The following CCDC192 variants were observed in gnomAD, a reference collection of about 807,000 sequenced individuals.
CCDC192 encodes the protein coiled-coil domain containing 192.
At chr5:127,833,807 T>C (rs1416510541) in intron 5 of CCDC192, among the ~76,000 whole-genome samples, 1 of 152,180 alleles carries the variant, frequency 6.6e-6, no homozygotes. Context: ...ATTTTCTGTC[T>C]CAGAAAATGT....
intron 2 of CCDC192, among the ~76,000 whole-genome samples, chr5:127,723,186 T>A (rs1358640225): frequency 6.6e-6 from 1 of 152,216 alleles, no homozygotes; most frequent in Non-Finnish European, 1.5e-5. Flanking sequence ...TTGGCTAAGT[T>A]TATTCCTGGG....
At chr5:127,757,559 A>C (rs770734271) in intron 3 of CCDC192, among the ~76,000 whole-genome samples, 9 of 151,966 alleles carry the variant, frequency 5.9e-5, no homozygotes, top group Non-Finnish European at 1.2e-4. Context: ...CTATTTTAAA[A>C]TTTAAGTCAA....
intron 6 of CCDC192, among the ~76,000 whole-genome samples, chr5:127,919,435 A>C (rs969452772): frequency 6.6e-6 from 1 of 151,716 alleles, no homozygotes; most frequent in Non-Finnish European, 1.5e-5. Context: ...ACGAAAAAAA[A>C]CTTCCAGAAC....
intron 3 of CCDC192, among the ~76,000 whole-genome samples, chr5:127,776,219 A>T (rs1755849052): frequency 6.6e-6 from 1 of 152,240 alleles, no homozygotes. Flanking sequence ...AATTATATCT[A>T]GGCTGAGGTG....
chr5:127,768,299 G>A (rs1755349064), intron 3 of CCDC192, among the ~76,000 whole-genome samples: 2 of 151,990 alleles, frequency 1.3e-5, no homozygotes, highest in Admixed American at 1.3e-4. Context: ...GGAGTAGGAT[G>A]GGCCCCTAAT....
intron 3 of CCDC192, among the ~76,000 whole-genome samples, chr5:127,794,975 C>A (rs1304224244): frequency 6.6e-6 from 1 of 152,118 alleles, no homozygotes; most frequent in Admixed American, 6.5e-5. Context: ...ATGATGTCTT[C>A]AGATATTTTG....
At chr5:127,721,870 T>A (rs1024538695) in intron 2 of CCDC192, among the ~76,000 whole-genome samples, 1 of 152,078 alleles carries the variant, frequency 6.6e-6, no homozygotes, top group African/African-American at 2.4e-5. Context: ...TGCCACACAC[T>A]TTTAAACAAC....
chr5:127,754,606 G>A (rs145086150), intron 3 of CCDC192, among the ~76,000 whole-genome samples: 12 of 151,506 alleles, frequency 7.9e-5, no homozygotes, highest in Admixed American at 2.0e-4. Flanking sequence ...CCTTTTCAGC[G>A]TTTAAAACTT....
At chr5:127,939,210 C>G (rs575866389) in intron 6 of CCDC192, among the ~76,000 whole-genome samples, 37 of 150,122 alleles carry the variant, frequency 2.5e-4, no homozygotes, top group African/African-American at 8.6e-4. Context: ...CTGCAACTCC[C>G]AGGTTGAAGT....
At position 127,797,211 on chromosome 5, in the gene CCDC192, A is replaced by G; in HGVS notation, c.331A>G (p.Lys111Glu). Reference protein sequence around the residue: ...HKEASGGPYEKMVLVKDQCIQ... With the variant: ...HKEASGGPYEEMVLVKDQCIQ... ...GGAAGCCAGTGGGGGACCATATGAA[A>G]AAATGGTTCTTGTGAAAGACCAGGT... The change falls in exon 4 of 7, where the codon AAA becomes GAA. Residue 111 changes from lysine (K) to glutamate (E), a missense_variant. By Grantham distance (56) the Lys-to-Glu change is moderately conservative (BLOSUM62 1). Coordinates refer to ENST00000514853, the MANE Select transcript of CCDC192 (RefSeq NM_001317938.2). 7.5e-6 allele frequency: 3 copies of G among 398,328 alleles called. No homozygotes were observed. The highest frequency in any genetic ancestry group is 3.6e-5 in the East Asian group (1 of 28,010). 24.7% of individuals were successfully genotyped at this position (398,328 alleles called of 1,614,324 possible). A position where few individuals can be genotyped will look rare whatever the true frequency, so the allele number is the denominator to read the frequency against.
chr5:127,846,879 A>G (rs942755355), intron 5 of CCDC192, among the ~76,000 whole-genome samples: 1 of 146,204 alleles, frequency 6.8e-6, no homozygotes, highest in Non-Finnish European at 1.5e-5. Flanking sequence ...CCTTGTCCCC[A>G]TTTCTAGAAC....
At chr5:127,749,371 C>T (rs1487558220) in intron 2 of CCDC192, among the ~76,000 whole-genome samples, 9 of 152,074 alleles carry the variant, frequency 5.9e-5, no homozygotes, top group Non-Finnish European at 1.2e-4. Flanking sequence ...TTGAGATAAT[C>T]ATGTGGTTTT....
At chr5:127,835,368 C>A (rs1426713172) in intron 5 of CCDC192, among the ~76,000 whole-genome samples, 3 of 152,152 alleles carry the variant, frequency 2.0e-5, no homozygotes, top group Non-Finnish European at 2.9e-5. Context: ...GTTCCTTTTG[C>A]CCAGTTTCTA....
At chr5:127,869,573 A>G (rs1457166264) in intron 5 of CCDC192, among the ~76,000 whole-genome samples, 1 of 152,228 alleles carries the variant, frequency 6.6e-6, no homozygotes, top group Non-Finnish European at 1.5e-5. Flanking sequence ...TTATCCCTTT[A>G]TCTTGTATTA....
intron 2 of CCDC192, among the ~76,000 whole-genome samples, chr5:127,730,412 G>C (rs1047844268): frequency 2.0e-5 from 3 of 152,154 alleles, no homozygotes; most frequent in African/African-American, 7.2e-5. Flanking sequence ...CCTAGGACCA[G>C]ACAGTTTTAT....
intron 5 of CCDC192, among the ~76,000 whole-genome samples, chr5:127,844,543 G>A (rs1430948991): frequency 6.6e-6 from 1 of 152,178 alleles, no homozygotes; most frequent in African/African-American, 2.4e-5. Flanking sequence ...CCTTGTGAGG[G>A]TGTCTGCTCC....
At chr5:127,715,832 A>G (rs1009133220) in intron 2 of CCDC192, among the ~76,000 whole-genome samples, 4 of 152,180 alleles carry the variant, frequency 2.6e-5, no homozygotes, top group Non-Finnish European at 5.9e-5. Flanking sequence ...AGATCATGTC[A>G]TCTGTAAACA....
chr5:127,773,764 T>G (rs984181126), intron 3 of CCDC192, among the ~76,000 whole-genome samples: 8 of 152,190 alleles, frequency 5.3e-5, no homozygotes, highest in African/African-American at 1.7e-4. Flanking sequence ...GTTCATTTCT[T>G]TTTGGTATAT....
intron 6 of CCDC192, among the ~76,000 whole-genome samples, chr5:127,939,164 C>G (rs1248434812): frequency 8.5e-6 from 1 of 118,320 alleles, no homozygotes; most frequent in African/African-American, 3.2e-5. Flanking sequence ...GTCGCCCAGG[C>G]TGGAATGCTG....
Sources: gnomAD v4.1 joint callset for allele counts (sites outside exome capture counted in the v4.1 genomes callset) on GRCh38, gnomAD v4.1.1 for gene constraint, MANE v1.5 for transcripts, NCBI Gene and HGNC (gene_info 2026-07-23, HGNC 2026-07-21) for gene names.